NELL1: variants seen among roughly 807,000 people sequenced by gnomAD.
The protein encoded by NELL1 is neural EGFL like 1, also known as protein kinase C-binding protein NELL1.
A neutral mutation model predicts 107.4 loss-of-function variants in NELL1; 76 were observed. The ratio of observed to expected loss-of-function variants is 0.71; its 90% CI spans 0.59 to 0.86. The LOEUF is 0.86. Among genes scored for constraint, NELL1 ranks in the 40% least tolerant of loss-of-function variants. The pLI, the probability that NELL1 is intolerant of heterozygous loss-of-function variation, is 0.00. For missense variants in NELL1, 1,024 were observed against 1,005.5 expected (o/e 1.02, Z -0.25); for synonymous variants, 353 against 341.2 (o/e 1.03, Z -0.38).
At chr11:20,719,236 C>A (rs530297648) in intron 2 of NELL1, among the ~76,000 whole-genome samples, 2 of 152,308 alleles carry the variant, frequency 1.3e-5, no homozygotes, top group Admixed American at 1.3e-4. Context: ...GGAGGACAAA[C>A]AAATGTCCCA....
chr11:21,510,478 A>G (rs11605618), intron 15 of NELL1, among the ~76,000 whole-genome samples: 21,868 of 152,164 alleles, frequency 0.14, 1,701 homozygotes, highest in Non-Finnish European at 0.17. Flanking sequence ...TCTCTCATGC[A>G]TTCTCCGGTT....
chr11:21,481,285 C>T (rs1854486125), intron 15 of NELL1, among the ~76,000 whole-genome samples: 1 of 152,164 alleles, frequency 6.6e-6, no homozygotes, highest in Non-Finnish European at 1.5e-5. Context: ...AATTATTCAT[C>T]ATTTCTATTC....
At chr11:21,488,856 C>T (rs1482874538) in intron 15 of NELL1, among the ~76,000 whole-genome samples, 2 of 151,660 alleles carry the variant, frequency 1.3e-5, no homozygotes, top group East Asian at 3.9e-4. Context: ...AAATAATAAC[C>T]TAATGATGCA....
At chr11:21,508,788 T>C (rs2133941898) in intron 15 of NELL1, among the ~76,000 whole-genome samples, 1 of 145,514 alleles carries the variant, frequency 6.9e-6, no homozygotes, top group Middle Eastern at 3.5e-3. Flanking sequence ...AAAAATCAAC[T>C]ATGTTAAAGA....
rs138518021 is a variant in NELL1, at chr11:21,229,413, C to A, written c.1508C>A (p.Thr503Asn). The change falls in exon 14 of 20, where the codon ACC becomes AAC. Residue 503 changes from threonine to asparagine, a missense_variant. Physicochemically the swap from Thr to Asn is moderately conservative, Grantham distance 65. Transcript: ENST00000357134. ...AACACTGTCCAGGGACACAGCTGCA[C>A]CTGCAAACCGGGCTACGTGGGGAAC... is the stretch of plus-strand genomic sequence containing the variant. ...CTNTVQGHSC[T>N]CKPGYVGNGT... The A allele has an allele frequency of 2.5e-6, 4 of 1,613,894 alleles. No homozygotes were observed. Among genetic ancestry groups the A allele is most frequent in the Admixed American group, 1.7e-5 (1 of 60,010 alleles).
chr11:20,708,407 C>T (rs151246864), intron 2 of NELL1, among the ~76,000 whole-genome samples: 6 of 152,324 alleles, frequency 3.9e-5, no homozygotes, highest in East Asian at 3.9e-4. Flanking sequence ...AGAAATCACC[C>T]GTCTTCTGGG....
intron 2 of NELL1, among the ~76,000 whole-genome samples, chr11:20,783,129 A>C (rs1856883606): frequency 6.6e-6 from 1 of 152,196 alleles, no homozygotes; most frequent in African/African-American, 2.4e-5. Context: ...GTGCTAGTAA[A>C]TATCTGCTAG....
chr11:21,341,008 C>T (rs537282156), intron 14 of NELL1, among the ~76,000 whole-genome samples: 1 of 152,238 alleles, frequency 6.6e-6, no homozygotes, highest in South Asian at 2.1e-4. Context: ...ATCTCTGCCC[C>T]CCTATAATGA....
At chr11:21,250,308 A>T (rs567236227) in intron 14 of NELL1, among the ~76,000 whole-genome samples, 64 of 152,270 alleles carry the variant, frequency 4.2e-4, no homozygotes, top group Admixed American at 7.9e-4. Flanking sequence ...TACTTATTGT[A>T]TGAATGCATA....
intron 9 of NELL1, among the ~76,000 whole-genome samples, chr11:20,936,745 C>G (rs978597067): frequency 6.6e-6 from 1 of 152,162 alleles, no homozygotes; most frequent in African/African-American, 2.4e-5. Flanking sequence ...TTTAGTAACA[C>G]TAGAATATTA....
chr11:20,928,476 C>T lies in NELL1; in HGVS notation c.994C>T (p.Arg332Ter). 2 of 1,612,396 alleles carry T rather than the reference C, an allele frequency of 1.2e-6. No homozygotes were observed. Among genetic ancestry groups the T allele is most frequent in the Non-Finnish European group, 1.7e-6 (2 of 1,178,552 alleles). ...HIAGQCCKVC[R>*]PKCIYGGKVL... is the part of the protein sequence containing the mutation. ...TGCTGGCCAGTGCTGTAAGGTCTGC[C>T]GACGTAAGTACTGACTGAGGGTCAG... Residue 332 changes from arginine (R) to a stop codon, truncating the protein, a stop_gained, in exon 9 of 20, where the codon CGA (arginine) becomes TGA (stop). Transcript: ENST00000357134. LOFTEE classifies it high-confidence loss of function.
chr11:21,262,530 A>C (rs1002851405), intron 14 of NELL1: 3 of 151,926 alleles, frequency 2.0e-5, no homozygotes, highest in Non-Finnish European at 4.4e-5. Flanking sequence ...TTTTAAAAAT[A>C]ATTATACCTT....
At chr11:20,916,495 C>A (rs777019721) in intron 5 of NELL1, among the ~76,000 whole-genome samples, 14 of 151,926 alleles carry the variant, frequency 9.2e-5, no homozygotes, top group African/African-American at 3.4e-4. Flanking sequence ...AACACCATGA[C>A]ACATGTGCTC....
At chr11:20,871,414 G>A (rs965126646) in intron 4 of NELL1, among the ~76,000 whole-genome samples, 4 of 151,992 alleles carry the variant, frequency 2.6e-5, no homozygotes, top group Admixed American at 6.5e-5. Flanking sequence ...AAGAGGACAG[G>A]GATATAATAT....
intron 3 of NELL1, among the ~76,000 whole-genome samples, chr11:20,844,602 C>T (rs1848672868): frequency 1.3e-5 from 2 of 152,100 alleles, no homozygotes; most frequent in South Asian, 4.1e-4. Flanking sequence ...TTCCAGTGTC[C>T]TCCTTCTACC....
chr11:21,328,759 G>C (rs1428970910), intron 14 of NELL1, among the ~76,000 whole-genome samples: 1 of 152,198 alleles, frequency 6.6e-6, no homozygotes, highest in Non-Finnish European at 1.5e-5. Flanking sequence ...GCATGACCTG[G>C]ATGTGAGACA....
At chr11:21,027,374 T>G (rs1401229119) in intron 12 of NELL1, among the ~76,000 whole-genome samples, 3 of 152,004 alleles carry the variant, frequency 2.0e-5, no homozygotes, top group African/African-American at 7.3e-5. Flanking sequence ...TTCTATCTAG[T>G]TTTTATGATC....
chr11:20,742,263 G>A (rs1346239391), intron 2 of NELL1, among the ~76,000 whole-genome samples: 3 of 152,188 alleles, frequency 2.0e-5, no homozygotes, highest in African/African-American at 4.8e-5. Context: ...AAAGTGCTGT[G>A]CTATGTCTTA....
At chr11:21,369,568 GAAT>G (rs1851311943) in intron 14 of NELL1, among the ~76,000 whole-genome samples, 1 of 151,902 alleles carries the variant, frequency 6.6e-6, no homozygotes, top group Non-Finnish European at 1.5e-5. Context: ...TACGTATTTG[GAAT>G]AGTGTTCAGC....
Sources: allele counts gnomAD v4.1 joint callset (sites outside exome capture counted in the v4.1 genomes callset), GRCh38; gene constraint gnomAD v4.1.1; transcripts MANE v1.5; gene names NCBI Gene and HGNC (gene_info 2026-07-23, HGNC 2026-07-21).